NLRP2: variants seen among roughly 807,000 people sequenced by gnomAD.
The protein encoded by NLRP2 is NACHT, LRR and PYD domains-containing protein 2.
A neutral mutation model predicts 97.2 loss-of-function variants in NLRP2; 107 were observed. The ratio of observed to expected loss-of-function variants is 1.10; its 90% CI spans 0.94 to 1.29. NLRP2 has a LOEUF of 1.29. Among genes scored for constraint, NLRP2 ranks in the 50% most tolerant of loss-of-function variants. NLRP2 has a pLI of 0.00. For missense variants in NLRP2, 1,495 were observed against 1,330.3 expected (o/e 1.12, Z -1.93); for synonymous variants, 663 against 551.5 (o/e 1.20, Z -2.83).
intron 6 of NLRP2, 117 bp downstream of exon 6, chr19:54,983,845 G>T: frequency 7.1e-7 from 1 of 1,416,238 alleles, no homozygotes; most frequent in Non-Finnish European, 9.8e-7. Context: ...CCCTCTTGTT[G>T]GACTCTTTGT....
intron 12 of NLRP2, among the ~76,000 whole-genome samples, chr19:55,000,291 T>C (rs2073106765): frequency 8.6e-6 from 1 of 116,772 alleles, no homozygotes; most frequent in Non-Finnish European, 1.8e-5. Flanking sequence ...TTTTTTTTTT[T>C]TTTTTTTTTT....
In NLRP2 at chr19:54,994,288, A is replaced by G. The variant is rs1245055884; in HGVS notation, c.2728A>G (p.Thr910Ala). 7 of 1,614,006 alleles carry G rather than the reference A, an allele frequency of 4.3e-6. No individual in the cohort carries two copies. The highest frequency in any genetic ancestry group is 1.7e-5 in the Admixed American group (1 of 59,982). Residue 910 changes from threonine (T) to alanine (A), a missense_variant, in exon 11 of 13, where the codon ACT (threonine) becomes GCT (alanine). Coordinates refer to ENST00000448584, the MANE Select transcript of NLRP2 (RefSeq NM_017852.5). ...TTCTAGGCTTTGGAACTGCGACATA[A>G]CTAGCGATGGCTGCTGCGATCTCAC... ...QTLVLWNCDI[T>A]SDGCCDLTKL...
chr19:54,991,839 C>T (rs139923133), intron 10 of NLRP2, among the ~76,000 whole-genome samples: 27 of 135,858 alleles, frequency 2.0e-4, no homozygotes, highest in Middle Eastern at 8.1e-3. Flanking sequence ...GGTGACAGAA[C>T]GAGATTGTCT....
chr19:54,998,319 G>C (rs868198874), intron 12 of NLRP2, among the ~76,000 whole-genome samples: 1 of 151,972 alleles, frequency 6.6e-6, no homozygotes, highest in Non-Finnish European at 1.5e-5. Context: ...CACCCGGCCT[G>C]AGTTGTATTT....
At chr19:54,990,453 G>A in intron 9 of NLRP2, 49 bp from the exon 10 acceptor site, 1 of 1,599,088 alleles carries the variant, frequency 6.3e-7, no homozygotes. Flanking sequence ...AGCCGGGAAG[G>A]TTGAAGTTGG....
chr19:54,975,484 CT>C (rs1264932033), intron 3 of NLRP2, among the ~76,000 whole-genome samples: 1 of 142,722 alleles, frequency 7.0e-6, no homozygotes, highest in Non-Finnish European at 1.5e-5. Context: ...TAGAGTCTCT[CT>C]CTGTTGCCCA....
At chr19:54,998,811 TGAGATTAGGGAGTGGTGATGACTCTTAAC>T (rs2073009151) in intron 12 of NLRP2, among the ~76,000 whole-genome samples, 1 of 150,370 alleles carries the variant, frequency 6.7e-6, no homozygotes, top group Non-Finnish European at 1.5e-5. Flanking sequence ...CCTGGGTACT[TGAGATTAGGGAGTGGTGATGACTCTTAAC>T]GAGCGTGCTG....
intron 4 of NLRP2, among the ~76,000 whole-genome samples, chr19:54,979,007 TAG>T (rs201082848): frequency 0.011 from 1,620 of 151,700 alleles, 12 homozygotes; most frequent in Non-Finnish European, 0.016. Context: ...GTTTTTGAAA[TAG>T]AGTCTCACTC....
Position 54,986,198 on chromosome 19 carries a change from C to T in NLRP2, c.2249C>T (p.Ala750Val). 1.2e-6 allele frequency: 2 copies of T among 1,613,256 alleles called. No homozygotes were observed. The highest frequency in any genetic ancestry group is 1.7e-6 in the Non-Finnish European group (2 of 1,179,176). The change falls in exon 8 of 13, where the codon GCT (alanine) becomes GTT (valine). Residue 750 changes from alanine (A) to valine (V), a missense_variant. Coordinates refer to ENST00000448584, the MANE Select transcript of NLRP2 (RefSeq NM_017852.5). Reference sequence around the variant, plus strand: ...GATGCTCATCGGAACCTCTGCCTAGCTCTTCGAGGTCACAAGACTGTAACG... The same window carrying T: ...GATGCTCATCGGAACCTCTGCCTAGTTCTTCGAGGTCACAAGACTGTAACG... ...PADAHRNLCLALRGHKTVTYL... is the reference protein window; with the variant it reads ...PADAHRNLCLVLRGHKTVTYL...
intron 10 of NLRP2, chr19:54,993,379 G>C (rs1015386437): frequency 6.6e-6 from 1 of 152,074 alleles, no homozygotes; most frequent in Non-Finnish European, 1.5e-5. Context: ...GGGACCCAGA[G>C]ATACATGGGC....
Position 54,996,267 on chromosome 19 carries a change from G to A in NLRP2, c.2880-1050G>A, listed in dbSNP as rs78686925. ...TGTAATTCCAGCACTTTGGGAGGCC[G>A]AGGCAGGTGGATCACCTAAGGTCAG... On this transcript the variant is annotated intron_variant, in intron 11 of 12. Coordinates refer to ENST00000448584, the MANE Select transcript of NLRP2 (RefSeq NM_017852.5). Among the ~76,000 whole-genome samples, 29 of 152,040 alleles carry A rather than the reference G, an allele frequency of 1.9e-4. 1 individual carries two copies. In the East Asian group the frequency reaches 5.2e-3, roughly 27 times the overall value.
Position 54,982,707 on chromosome 19 carries a change from C to A in NLRP2, c.1009C>A (p.Arg337=). ...CAAGGCCGCCCTGCTGGTCACCACG[C>A]GGCCCAGGGCCCTGAGGGACCTCCG... ...LPKAALLVTT[R]PRALRDLRIL... is the part of the protein sequence containing the mutation. Residue 337 remains arginine (R), a synonymous_variant, in exon 6 of 13, where the codon CGG becomes AGG. Coordinates refer to ENST00000448584, the MANE Select transcript of NLRP2 (RefSeq NM_017852.5). 1.2e-6 allele frequency: 2 copies of A among 1,614,040 alleles called. No individual in the cohort carries two copies. The highest frequency in any genetic ancestry group is 1.7e-6 in the Non-Finnish European group (2 of 1,179,978).
At chr19:54,984,897 T>G in intron 6 of NLRP2, 150 bp from the exon 7 acceptor site, 1 of 759,168 alleles carries the variant, frequency 1.3e-6, no homozygotes, top group Non-Finnish European at 2.3e-6. Context: ...TCTTGGGTGT[T>G]GAGTTGTCTG....
intron 2 of NLRP2, chr19:54,973,703 A>AGGTT (rs1031540110): frequency 2.5e-6 from 1 of 401,944 alleles, no homozygotes; most frequent in African/African-American, 2.1e-5. Flanking sequence ...TGACCTCCGG[A>AGGTT]GGTTACAAGT....
In NLRP2 at chr19:54,970,587, CG is replaced by C. The variant is rs1568464439; in HGVS notation, c.280+297del. On this transcript the variant is annotated intron_variant, in intron 2 of 12. Transcript: ENST00000448584. ...AGGAGAATCACTTAAATCTAGGAGG[CG>C]GGGGTTGCTATGAGCCGAGATCACG... Among the ~76,000 whole-genome samples, 7 of 151,502 alleles carry C rather than the reference CG, an allele frequency of 4.6e-5. No individual in the cohort carries two copies. In the South Asian group the frequency reaches 1.5e-3, roughly 32 times the overall value.
chr19:54,990,148 G>A lies in NLRP2; in HGVS notation c.2493G>A (p.Leu831=). The stretch of plus-strand genomic sequence containing the variant: ...TTCTGGATGAGGGTGCTAAGTTGCT[G>A]TACACAACTTTGAGACACCCCAAGT... ...NELLDEGAKL[L]YTTLRHPKCF... Residue 831 remains leucine (L), a synonymous_variant, in exon 9 of 13, where the codon CTG becomes CTA. Transcript: ENST00000448584. 2.5e-6 allele frequency: 4 copies of A among 1,614,138 alleles called. No individual in the cohort carries two copies. Among genetic ancestry groups the A allele is most frequent in the Non-Finnish European group, 3.4e-6 (4 of 1,180,020 alleles).
chr19:54,966,766 T>G (rs2070451567), intron 1 of NLRP2, among the ~76,000 whole-genome samples: 1 of 150,774 alleles, frequency 6.6e-6, no homozygotes. Flanking sequence ...CAGGCTGGTC[T>G]CAGTCCGCCT....
At chr19:54,976,702 C>T (rs115127690) in intron 3 of NLRP2, among the ~76,000 whole-genome samples, 343 of 151,964 alleles carry the variant, frequency 2.3e-3, no homozygotes, top group African/African-American at 7.6e-3. Context: ...TTCACATGCC[C>T]GTGTCCAGTT....
intron 1 of NLRP2, among the ~76,000 whole-genome samples, chr19:54,966,867 G>T: frequency 8.6e-6 from 1 of 116,250 alleles, no homozygotes. Context: ...CTTTTTTGAG[G>T]GTCTTACTCT....
Sources: gnomAD v4.1 joint callset for allele counts (sites outside exome capture counted in the v4.1 genomes callset) on GRCh38, gnomAD v4.1.1 for gene constraint, MANE v1.5 for transcripts, NCBI Gene and HGNC (gene_info 2026-07-23, HGNC 2026-07-21) for gene names.